Variants in RHBDD3 observed in about 807,000 individuals in gnomAD.
RHBDD3 encodes rhomboid domain containing 3, also known as rhomboid domain-containing protein 3.
RHBDD3 carries 34 observed loss-of-function variants against 32.3 expected under a neutral mutation model. The ratio of observed to expected loss-of-function variants is 1.05; its 90% CI spans 0.80 to 1.40. The LOEUF (loss-of-function observed/expected upper bound fraction) is 1.40. Ranked by LOEUF, RHBDD3 falls within the 40% of genes most tolerant of loss-of-function variation. The pLI is 0.00. For missense variants in RHBDD3, 482 were observed against 492.6 expected (o/e 0.98, Z 0.20); for synonymous variants, 249 against 239.1 (o/e 1.04, Z -0.38).
chr22:29,268,051 C>A, upstream of RHBDD3: 1 of 563,604 alleles, frequency 1.8e-6, no homozygotes, highest in African/African-American at 1.9e-5. Flanking sequence ...TAGTCTCGTG[C>A]TGAGAGCCTC....
chr22:29,261,091 C>T lies in RHBDD3; in HGVS notation c.533-227G>A, dbSNP rs952811530. On this transcript the variant is annotated intron_variant, in intron 4 of 6. Transcript: ENST00000216085. ...CCAAACAGAGCCAGGTATGCCTCAC[C>T]CCAAGGCCTGGGCTCACCCGTGACC... The T allele has an allele frequency of 9.4e-5, 57 of 605,130 alleles. No individual in the cohort carries two copies. The Middle Eastern group carries it at 1.2e-3, about 13-fold the overall frequency. The allele number at this position is 605,130 out of a possible 1,614,324, so 37.5% of individuals were successfully genotyped here.
Position 29,263,889 on chromosome 22 carries a change from T to C in RHBDD3, c.478A>G (p.Ser160Gly), listed in dbSNP as rs5763120. The C allele has an allele frequency of 5.2e-6, 8 of 1,549,060 alleles. No individual in the cohort carries two copies. Among genetic ancestry groups the C allele is most frequent in the Non-Finnish European group, 6.1e-6 (7 of 1,146,504 alleles). ...AGCTGCAGGAAGGGTGGCTCAGAGC[T>C]GAGCAGTGGGGTCAGGGCAAGCAGC... ...WLLLALTPLL[S>G]SEPPFLQLLC... Residue 160 changes from serine (S) to glycine (G), a missense_variant, in exon 4 of 7, where the codon AGC (serine) becomes GGC (glycine). Physicochemically the swap from Ser to Gly is moderately conservative, Grantham distance 56 (BLOSUM62 0). Coordinates refer to ENST00000216085, the MANE Select transcript of RHBDD3 (RefSeq NM_012265.3).
At chr22:29,263,472 C>T (rs1444292012) in intron 4 of RHBDD3, among the ~76,000 whole-genome samples, 1 of 152,230 alleles carries the variant, frequency 6.6e-6, no homozygotes, top group Non-Finnish European at 1.5e-5. Flanking sequence ...GCCACTGCGC[C>T]CGGTCAGGCT....
intron 4 of RHBDD3, among the ~76,000 whole-genome samples, chr22:29,263,085 C>T (rs932148556): frequency 1.1e-4 from 17 of 152,054 alleles, no homozygotes; most frequent in African/African-American, 4.1e-4. Flanking sequence ...TGCCCTGTCG[C>T]CCAGGCTGGA....
rs750518975 is a variant in RHBDD3, at chr22:29,260,327, G to A, written c.982C>T (p.Arg328Trp). ...WLSKSSVSSL[R>W]LQQLERMGFP... is the part of the protein sequence containing the mutation. ...CCACCTCTGCCCACCCCACCTTACC[G>A]CAGAGAGGAGACAGAGGACTTGGAC... The change falls in exon 6 of 7, where the codon CGG (arginine) becomes TGG (tryptophan). Residue 328 changes from arginine (R) to tryptophan (W), a missense_variant and splice_region_variant. By Grantham distance (101) the Arg-to-Trp change is moderately radical. Coordinates refer to ENST00000216085, the MANE Select transcript of RHBDD3 (RefSeq NM_012265.3). 1.2e-5 allele frequency: 19 copies of A among 1,607,666 alleles called. No individual in the cohort carries two copies. The highest frequency in any genetic ancestry group is 6.7e-5 in the East Asian group (3 of 44,802).
chr22:29,263,398 T>C (rs533219649), intron 4 of RHBDD3, among the ~76,000 whole-genome samples: 2 of 152,148 alleles, frequency 1.3e-5, no homozygotes, highest in East Asian at 1.9e-4. Context: ...AGGCTGGTCT[T>C]GAACTCCAGA....
intron 3 of RHBDD3, 48 bp from the exon 4 acceptor site, chr22:29,264,266 C>T: frequency 1.4e-6 from 2 of 1,474,834 alleles, no homozygotes; most frequent in Non-Finnish European, 1.8e-6. Flanking sequence ...CCCCAACATC[C>T]AAGGCTGTCC....
chr22:29,261,186 T>C, intron 4 of RHBDD3: 1 of 551,798 alleles, frequency 1.8e-6, no homozygotes, highest in East Asian at 4.0e-5. Context: ...CTGGAAGAAG[T>C]CCCATGGACA....
At chr22:29,266,600 T>G (rs1161371165) in intron 2 of RHBDD3, among the ~76,000 whole-genome samples, 1 of 152,066 alleles carries the variant, frequency 6.6e-6, no homozygotes, top group Non-Finnish European at 1.5e-5. Flanking sequence ...GCTTTGGCCC[T>G]CAAACATGGC....
chr22:29,264,877 G>A (rs1341026771), intron 3 of RHBDD3, among the ~76,000 whole-genome samples: 2 of 151,878 alleles, frequency 1.3e-5, no homozygotes, highest in Admixed American at 1.3e-4. Flanking sequence ...TCCCAGGTTC[G>A]CGCCATTCTC....
chr22:29,264,271 C>T, intron 3 of RHBDD3, 53 bp from the exon 4 acceptor site: 1 of 1,470,990 alleles, frequency 6.8e-7, no homozygotes, highest in South Asian at 1.4e-5. Flanking sequence ...ACATCCAAGG[C>T]TGTCCCAGGT....
chr22:29,264,763 G>A (rs1301437209), intron 3 of RHBDD3, among the ~76,000 whole-genome samples: 1 of 152,104 alleles, frequency 6.6e-6, no homozygotes, highest in Non-Finnish European at 1.5e-5. Flanking sequence ...GAAAGTCTTA[G>A]CTGTTTTTTT....
rs1284017852 is a variant in RHBDD3, at chr22:29,263,929, C to T, written c.438G>A (p.Trp146Ter). The T allele has an allele frequency of 6.5e-7, 1 of 1,550,050 alleles. No homozygotes were observed. The highest frequency in any genetic ancestry group is 8.7e-7 in the Non-Finnish European group (1 of 1,147,068). ...GGGCAAGCAGCAGCCACGGCGACAG[C>T]CACGGTGGCAGTGCCCCACGGGGCC... is the stretch of plus-strand genomic sequence containing the variant. Reference protein sequence around the residue: ...PRRPRGALPPWLSPWLLLALT... With the variant: ...PRRPRGALPP Residue 146 changes from tryptophan (W) to a stop codon, truncating the protein, a stop_gained, in exon 4 of 7, where the codon TGG (tryptophan) becomes TGA (stop). Transcript: ENST00000216085. LOFTEE classifies it high-confidence loss of function.
Position 29,260,630 on chromosome 22 carries a change from A to G in RHBDD3, c.696-17T>C, listed in dbSNP as rs755700571. The G allele has an allele frequency of 6.3e-7, 1 of 1,575,094 alleles. No individual in the cohort carries two copies. Among genetic ancestry groups the G allele is most frequent in the Non-Finnish European group, 8.6e-7 (1 of 1,159,570 alleles). On this transcript the variant is annotated splice_polypyrimidine_tract_variant and intron_variant, in intron 5 of 6. Transcript: ENST00000216085. ...ATGGGAGGCCTGGAGGAGTGGGAAG[A>G]GAAGAGGGCCTGACTGGCAGCCCTG...
At chr22:29,265,767 G>C in intron 2 of RHBDD3, 99 bp from the exon 3 acceptor site, 4 of 1,242,790 alleles carry the variant, frequency 3.2e-6, no homozygotes, top group Non-Finnish European at 4.2e-6. Context: ...TACAGAGGTG[G>C]AAACAGGCTG....
intron 4 of RHBDD3, chr22:29,261,273 C>T: frequency 2.1e-6 from 1 of 485,102 alleles, no homozygotes; most frequent in Non-Finnish European, 4.2e-6. Context: ...CTGTTCTCTC[C>T]AGTGGCACTG....
intron 2 of RHBDD3, 48 bp from the exon 3 acceptor site, chr22:29,265,716 T>G: frequency 1.4e-6 from 2 of 1,459,588 alleles, no homozygotes; most frequent in African/African-American, 2.9e-5. Context: ...AGCTTTTATC[T>G]CACCAATACC....
At chr22:29,263,033 G>A (rs924038031) in intron 4 of RHBDD3, among the ~76,000 whole-genome samples, 24 of 150,966 alleles carry the variant, frequency 1.6e-4, no homozygotes, top group Admixed American at 1.2e-3. Flanking sequence ...CTGCCACCAC[G>A]CCTGGCTAAT....
In RHBDD3 at chr22:29,264,062, A is replaced by T. The variant is rs776343656; in HGVS notation, c.305T>A (p.Leu102Gln). 1.0e-5 allele frequency: 16 copies of T among 1,577,706 alleles called. No homozygotes were observed. In the East Asian group the frequency reaches 3.7e-4, roughly 36 times the overall value. The change falls in exon 4 of 7, where the codon CTG becomes CAG. Residue 102 changes from leucine (L) to glutamine (Q), a missense_variant. By Grantham distance (113) the Leu-to-Gln change is moderately radical. Transcript: ENST00000216085. ...ASALLALASGLLAVLLAGLGL... is the reference protein window; with the variant it reads ...ASALLALASGQLAVLLAGLGL... ...AAGGCCTGCCAGCAGCACTGCCAGC[A>T]GCCCAGAAGCCAGGGCGAGCAGGGC... is the stretch of plus-strand genomic sequence containing the variant.
Sources: gnomAD v4.1 joint callset for allele counts (sites outside exome capture counted in the v4.1 genomes callset) on GRCh38, gnomAD v4.1.1 for gene constraint, MANE v1.5 for transcripts, NCBI Gene and HGNC (gene_info 2026-07-23, HGNC 2026-07-21) for gene names.